Variants in DSCAML1 observed in about 807,000 individuals in gnomAD.
DSCAML1 encodes cell adhesion molecule DSCAML1.
Under a neutral mutation model 200.5 loss-of-function variants are expected in DSCAML1, and 38 were observed. That is an observed-to-expected ratio of 0.19 (90% CI 0.15 to 0.25). The LOEUF (loss-of-function observed/expected upper bound fraction) is 0.25. DSCAML1 is among the 10% of genes least tolerant of loss of function. The pLI, the probability that DSCAML1 is intolerant of heterozygous loss-of-function variation, is 1.00. For synonymous variants in DSCAML1, 1,215 were observed against 1,165.0 expected (o/e 1.04, Z -0.87); for missense variants, 2,223 against 2,858.8 (o/e 0.78, Z 5.07).
intron 3 of DSCAML1, among the ~76,000 whole-genome samples, chr11:117,561,513 G>T (rs1206505570): frequency 6.6e-6 from 1 of 152,156 alleles, no homozygotes; most frequent in Non-Finnish European, 1.5e-5. Flanking sequence ...ATGTCTCCAA[G>T]CATCCTCCTG....
chr11:117,565,233 T>A (rs1192773206), intron 3 of DSCAML1, among the ~76,000 whole-genome samples: 2 of 152,364 alleles, frequency 1.3e-5, no homozygotes, highest in Non-Finnish European at 2.9e-5. Flanking sequence ...CATGTGATAA[T>A]TTAATACATT....
At chr11:117,667,479 A>G (rs1318341833) in intron 3 of DSCAML1, among the ~76,000 whole-genome samples, 1 of 152,020 alleles carries the variant, frequency 6.6e-6, no homozygotes, top group African/African-American at 2.4e-5. Flanking sequence ...TCACTCTCTA[A>G]TGGGCCAGCT....
intron 3 of DSCAML1, among the ~76,000 whole-genome samples, chr11:117,665,695 C>T (rs1205508934): frequency 3.3e-5 from 5 of 152,028 alleles, no homozygotes; most frequent in South Asian, 2.1e-4. Context: ...AGGCAGCATG[C>T]GTGGAACTGG....
intron 14 of DSCAML1, among the ~76,000 whole-genome samples, chr11:117,473,080 G>A (rs767956210): frequency 1.1e-4 from 17 of 152,214 alleles, no homozygotes; most frequent in Non-Finnish European, 2.1e-4. Flanking sequence ...ACCCACAGTA[G>A]AGTATCGTGA....
intron 3 of DSCAML1, among the ~76,000 whole-genome samples, chr11:117,546,374 C>T (rs1445428109): frequency 6.6e-6 from 1 of 152,216 alleles, no homozygotes; most frequent in South Asian, 2.1e-4. Context: ...GTGCACCCAG[C>T]GCAGTGCCTG....
intron 3 of DSCAML1, among the ~76,000 whole-genome samples, chr11:117,692,567 T>C (rs1421871374): frequency 6.6e-6 from 1 of 152,146 alleles, no homozygotes; most frequent in African/African-American, 2.4e-5. Context: ...GTTTTAAAAA[T>C]GTATGCAGAC....
In DSCAML1 at chr11:117,780,504, C is replaced by T. The variant is rs1468070468; in HGVS notation, c.353G>A (p.Arg118His). The T allele has an allele frequency of 4.1e-6, 6 of 1,448,826 alleles. No homozygotes were observed. The highest frequency in any genetic ancestry group is 4.6e-6 in the Non-Finnish European group (5 of 1,095,138). 89.7% of individuals were successfully genotyped at this position (1,448,826 alleles called of 1,614,324 possible). A position where few individuals can be genotyped will look rare whatever the true frequency, so the allele number is the denominator to read the frequency against. Residue 118 changes from arginine to histidine, a missense_variant, in exon 2 of 33, where the codon CGC becomes CAC. Arg to His is a conservative substitution (Grantham distance 29). This residue lies in a region of DSCAML1 where 579 missense variants were observed against 721.5 expected (regional missense o/e 0.80). Coordinates refer to ENST00000651296, the MANE Select transcript of DSCAML1 (RefSeq NM_020693.4). This position sits in a 1 kb window ranked among gnomAD's most constrained non-coding sequence, Gnocchi z 4.8. ...AAGKIRSPNI[R>H]VKAVFREPYT... ...GTCTTGTCCCTTACCTGCTTTGACG[C>T]GGATGTTGGGGCTCCGGATCTTGCC... is the stretch of plus-strand genomic sequence containing the variant.
intron 11 of DSCAML1, among the ~76,000 whole-genome samples, chr11:117,488,188 C>T (rs1485417633): frequency 6.6e-6 from 1 of 152,222 alleles, no homozygotes; most frequent in Non-Finnish European, 1.5e-5. Context: ...GCCCTGCACC[C>T]AGCCTCCAAG....
At chr11:117,816,058 A>G (rs2055803317) in intron 1 of DSCAML1, among the ~76,000 whole-genome samples, 3 of 151,974 alleles carry the variant, frequency 2.0e-5, no homozygotes, top group Non-Finnish European at 4.4e-5. Context: ...CTCCAGTGTC[A>G]GGTTGAAGCT....
chr11:117,796,706 C>A (rs1185468989), intron 1 of DSCAML1, among the ~76,000 whole-genome samples: 1 of 152,218 alleles, frequency 6.6e-6, no homozygotes, highest in Non-Finnish European at 1.5e-5. Flanking sequence ...TGCCACCAAG[C>A]CGCAGGAAGA....
intron 11 of DSCAML1, among the ~76,000 whole-genome samples, chr11:117,493,304 C>G (rs959417156): frequency 2.7e-5 from 4 of 150,192 alleles, no homozygotes; most frequent in African/African-American, 9.8e-5. Context: ...AGTTTTCCCC[C>G]TGCCTCTGGT....
At chr11:117,715,343 C>T (rs1326479592) in intron 3 of DSCAML1, among the ~76,000 whole-genome samples, 2 of 151,374 alleles carry the variant, frequency 1.3e-5, no homozygotes, top group African/African-American at 4.9e-5. Context: ...GCAGGAAAAA[C>T]GGAGCCTCCT....
At chr11:117,757,854 G>A (rs1343315940) in intron 3 of DSCAML1, among the ~76,000 whole-genome samples, 1 of 152,110 alleles carries the variant, frequency 6.6e-6, no homozygotes, top group East Asian at 1.9e-4. Context: ...GCCAGGTGTG[G>A]TGGTGAATGC....
intron 20 of DSCAML1, among the ~76,000 whole-genome samples, chr11:117,449,269 G>A (rs1293921850): frequency 1.3e-5 from 2 of 152,118 alleles, no homozygotes; most frequent in African/African-American, 4.8e-5. Context: ...TCTGTGCTCT[G>A]GGCGCTGCTG....
chr11:117,429,734 C>A (rs1470124490), intron 32 of DSCAML1, among the ~76,000 whole-genome samples: 1 of 152,190 alleles, frequency 6.6e-6, no homozygotes, highest in Non-Finnish European at 1.5e-5. Flanking sequence ...CACCGCCTGA[C>A]CCCCCGTGCT....
intron 11 of DSCAML1, among the ~76,000 whole-genome samples, chr11:117,497,675 G>A (rs1238242011): frequency 6.6e-6 from 1 of 152,250 alleles, no homozygotes; most frequent in African/African-American, 2.4e-5. Flanking sequence ...TGGGCCCCAG[G>A]TTTCCAGAGG....
At chr11:117,753,611 G>A (rs1414831037) in intron 3 of DSCAML1, among the ~76,000 whole-genome samples, 3 of 152,212 alleles carry the variant, frequency 2.0e-5, no homozygotes, top group African/African-American at 4.8e-5. Flanking sequence ...ATGAGCTGAT[G>A]TAGGCACACT....
At chr11:117,738,404 TGCTGACGTCAGCCAGACCCCTCTG>T (rs1215587576) in intron 3 of DSCAML1, among the ~76,000 whole-genome samples, 1 of 151,996 alleles carries the variant, frequency 6.6e-6, no homozygotes, top group Non-Finnish European at 1.5e-5. Flanking sequence ...TTCCCCTAGA[TGCTGACGTCAGCCAGACCCCTCTG>T]GCTGACGTCA....
intron 1 of DSCAML1, among the ~76,000 whole-genome samples, chr11:117,796,372 C>CAAGCCGGGGCTA (rs974914344): frequency 1.3e-5 from 2 of 152,204 alleles, no homozygotes; most frequent in Non-Finnish European, 2.9e-5. Context: ...GGTGGCGCAC[C>CAAGCCGGGGCTA]AAGCCGGGGC....
Sources: gnomAD v4.1 joint callset for allele counts (sites outside exome capture counted in the v4.1 genomes callset) on GRCh38, gnomAD v4.1.1 for gene constraint, gnomAD v4.1.1 regional missense constraint, Gnocchi (gnomAD v3.1) non-coding constraint, MANE v1.5 for transcripts, NCBI Gene and HGNC (gene_info 2026-07-23, HGNC 2026-07-21) for gene names.